The following CRYM variants were observed in gnomAD, a reference collection of about 807,000 sequenced individuals.
The protein encoded by CRYM is crystallin mu.
CRYM carries 18 observed loss-of-function variants against 32.9 expected under a neutral mutation model. The observed-to-expected ratio is 0.55, with a 90% CI of 0.38 to 0.81. CRYM has a LOEUF of 0.81. Among genes scored for constraint, CRYM ranks in the 30% least tolerant of loss-of-function variants. CRYM has a pLI of 0.00. For missense variants in CRYM, 337 were observed against 393.5 expected (o/e 0.86, Z 1.21); for synonymous variants, 153 against 152.4 (o/e 1.00, Z -0.03).
chr16:21,261,886 G>A, intron 6 of CRYM, 151 bp downstream of exon 6: 1 of 845,848 alleles, frequency 1.2e-6, no homozygotes, highest in Non-Finnish European at 1.9e-6. Flanking sequence ...ATTAAAGAGG[G>A]TTGCAAAATG....
chr16:21,294,994 T>G (rs1228222355), intron 1 of CRYM, among the ~76,000 whole-genome samples: 2 of 152,042 alleles, frequency 1.3e-5, no homozygotes, highest in African/African-American at 4.8e-5. Context: ...CACACCGTGC[T>G]GATTTCATTC....
intron 1 of CRYM, among the ~76,000 whole-genome samples, chr16:21,291,804 G>A (rs12446895): frequency 0.076 from 11,615 of 151,860 alleles, 1,023 homozygotes; most frequent in East Asian, 0.43. Context: ...TTCTTTGTAC[G>A]TTCTGAATAT....
At chr16:21,288,047 G>A (rs1038079835) in intron 1 of CRYM, among the ~76,000 whole-genome samples, 1 of 152,158 alleles carries the variant, frequency 6.6e-6, no homozygotes, top group African/African-American at 2.4e-5. Flanking sequence ...AGCAACAAAT[G>A]AGTCAAATAA....
At chr16:21,290,887 A>G (rs1404624722) in intron 1 of CRYM, among the ~76,000 whole-genome samples, 1 of 152,182 alleles carries the variant, frequency 6.6e-6, no homozygotes, top group Non-Finnish European at 1.5e-5. Context: ...TATAAAATAA[A>G]CGGTATGAGA....
intron 1 of CRYM, among the ~76,000 whole-genome samples, chr16:21,293,312 A>G (rs1960710353): frequency 6.6e-6 from 1 of 152,212 alleles, no homozygotes; most frequent in Admixed American, 6.5e-5. Flanking sequence ...TGAAACACCC[A>G]CTTTGGATGC....
chr16:21,277,554 A>C lies in CRYM; in HGVS notation c.201T>G (p.Ala67=). The C allele has an allele frequency of 6.2e-7, 1 of 1,614,038 alleles. No homozygotes were observed. Among genetic ancestry groups the C allele is most frequent in the Non-Finnish European group, 8.5e-7 (1 of 1,180,010 alleles). The change falls in exon 2 of 8, where the codon GCT becomes GCG. Residue 67 remains alanine (A), a synonymous_variant. Coordinates refer to ENST00000572914, the MANE Select transcript of CRYM (RefSeq NM_001376256.1). This position sits in a 1 kb window ranked among gnomAD's most constrained non-coding sequence, Gnocchi z 4.2. ...GYLGVMPAYS[A]AEDALTTKLV... is the part of the protein sequence containing the mutation. The stretch of plus-strand genomic sequence containing the variant: ...ACTTGGTGGTCAGTGCATCCTCTGC[A>C]GCACTGTAGGCGGGCATGACCCCCA...
At chr16:21,288,718 A>G (rs573541754) in intron 1 of CRYM, among the ~76,000 whole-genome samples, 1 of 152,190 alleles carries the variant, frequency 6.6e-6, no homozygotes, top group Non-Finnish European at 1.5e-5. Context: ...TTTATTTGAA[A>G]TAGTTTTAAA....
intron 1 of CRYM, among the ~76,000 whole-genome samples, chr16:21,289,491 T>G (rs567416322): frequency 6.6e-6 from 1 of 152,342 alleles, no homozygotes; most frequent in South Asian, 2.1e-4. Context: ...GTAGGTAGCA[T>G]ATGGTTGGAT....
intron 1 of CRYM, among the ~76,000 whole-genome samples, chr16:21,290,166 C>T (rs771702278): frequency 1.1e-4 from 16 of 152,146 alleles, no homozygotes; most frequent in Non-Finnish European, 1.9e-4. Flanking sequence ...GATCCCCTTC[C>T]ATGCTGTGGG....
chr16:21,266,727 G>T (rs781302478), intron 5 of CRYM, among the ~76,000 whole-genome samples: 2 of 152,158 alleles, frequency 1.3e-5, no homozygotes, highest in African/African-American at 4.8e-5. Context: ...ATGGTCAGGC[G>T]TAGTGGCTCA....
Position 21,277,656 on chromosome 16 carries a change from C to T in CRYM, c.171-72G>A. On this transcript the variant is annotated intron_variant, in intron 1 of 7. Transcript: ENST00000572914. The surrounding 1 kb of genome is among the most constrained non-coding windows in gnomAD (Gnocchi z 4.2). ...GGGTCTCTTAGAAAGTATCCATATA[C>T]TTTCCTTTTTCTTTCCTTCCTCACC... 1.3e-6 allele frequency: 2 copies of T among 1,579,668 alleles called. No individual in the cohort carries two copies. The highest frequency in any genetic ancestry group is 1.1e-5 in the South Asian group (1 of 89,764).
Position 21,258,774 on chromosome 16 carries a change from C to T in CRYM, c.*7G>A, listed in dbSNP as rs201156670. The T allele has an allele frequency of 5.0e-6, 8 of 1,612,878 alleles. No homozygotes were observed. The highest frequency in any genetic ancestry group is 6.8e-6 in the Non-Finnish European group (8 of 1,178,920). On this transcript the variant is annotated 3_prime_UTR_variant, in exon 8 of 8. Coordinates refer to ENST00000572914, the MANE Select transcript of CRYM (RefSeq NM_001376256.1). Reference sequence around the variant, plus strand: ...AAGCATCCATCTCAACATCAAGTTCCTTTGTTTTATTTACCAGATGACCAG... The same window carrying T: ...AAGCATCCATCTCAACATCAAGTTCTTTTGTTTTATTTACCAGATGACCAG...
At chr16:21,271,255 C>T (rs2093374878) in intron 3 of CRYM, among the ~76,000 whole-genome samples, 1 of 152,212 alleles carries the variant, frequency 6.6e-6, no homozygotes, top group Non-Finnish European at 1.5e-5. Context: ...CTAAATGTCT[C>T]TGGAGCAGGT....
chr16:21,289,276 T>C (rs1960553729), intron 1 of CRYM, among the ~76,000 whole-genome samples: 1 of 152,242 alleles, frequency 6.6e-6, no homozygotes, highest in Non-Finnish European at 1.5e-5. Flanking sequence ...CATATATGTT[T>C]GTTACTGTTG....
intron 1 of CRYM, among the ~76,000 whole-genome samples, chr16:21,292,255 C>T (rs948600311): frequency 6.6e-6 from 1 of 152,070 alleles, no homozygotes; most frequent in African/African-American, 2.4e-5. Context: ...AATGAAACAT[C>T]TTCACTTTGA....
intron 3 of CRYM, among the ~76,000 whole-genome samples, chr16:21,272,543 C>T (rs1325734168): frequency 1.3e-5 from 2 of 152,164 alleles, no homozygotes; most frequent in Non-Finnish European, 2.9e-5. Flanking sequence ...CCTTCAATCT[C>T]AGCTCAAATA....
upstream of CRYM, among the ~76,000 whole-genome samples, chr16:21,279,875 C>A (rs970944208): frequency 5.7e-5 from 8 of 140,892 alleles, no homozygotes; most frequent in Non-Finnish European, 1.3e-4. Flanking sequence ...CACAGAGTAG[C>A]CATGTAATAA....
intron 1 of CRYM, among the ~76,000 whole-genome samples, chr16:21,302,797 C>T (rs1960985494): frequency 6.6e-6 from 1 of 152,162 alleles, no homozygotes; most frequent in Non-Finnish European, 1.5e-5. Flanking sequence ...AAAGATGATT[C>T]TGGTTTGTAA....
intron 3 of CRYM, among the ~76,000 whole-genome samples, chr16:21,272,816 A>AT (rs60416570): frequency 0.038 from 1,627 of 42,276 alleles, 108 homozygotes; most frequent in East Asian, 0.14. Context: ...TGCCCAGCTA[A>AT]TTTTTTTTTT....
Sources: gnomAD v4.1 joint callset for allele counts (sites outside exome capture counted in the v4.1 genomes callset) on GRCh38, gnomAD v4.1.1 for gene constraint, Gnocchi (gnomAD v3.1) non-coding constraint, MANE v1.5 for transcripts, NCBI Gene and HGNC (gene_info 2026-07-23, HGNC 2026-07-21) for gene names.